KLKB1: variants seen among roughly 807,000 people sequenced by gnomAD.
KLKB1 encodes the protein plasma kallikrein.
Under a neutral mutation model 73.6 loss-of-function variants are expected in KLKB1, and 58 were observed. That is an observed-to-expected ratio of 0.79 (90% CI 0.64 to 0.98). The LOEUF is 0.98. Among genes scored for constraint, KLKB1 ranks in the 50% least tolerant of loss-of-function variants. KLKB1 has a pLI of 0.00. For missense variants in KLKB1, 737 were observed against 763.8 expected (o/e 0.96, Z 0.41); for synonymous variants, 280 against 258.1 (o/e 1.08, Z -0.81).
chr4:186,212,683 G>T (rs772840667), intron 2 of KLKB1: 2 of 152,220 alleles, frequency 1.3e-5, no homozygotes, highest in Non-Finnish European at 2.9e-5. Flanking sequence ...ATAGCCAATA[G>T]CAGATAGAAG....
chr4:186,240,959 CA>C (rs1262185549), intron 6 of KLKB1, among the ~76,000 whole-genome samples: 1 of 152,182 alleles, frequency 6.6e-6, no homozygotes, highest in Non-Finnish European at 1.5e-5. Context: ...CTGCTGTCCA[CA>C]CCTGGGAGAG....
intron 6 of KLKB1, among the ~76,000 whole-genome samples, chr4:186,246,752 G>A (rs1738378080): frequency 6.6e-6 from 1 of 152,132 alleles, no homozygotes; most frequent in South Asian, 2.1e-4. Flanking sequence ...CCCCAGGAAA[G>A]TGGTTCTTGC....
rs897746435 is a variant in KLKB1 at position 186,257,964 on chromosome 4, T to G, written c.1726-57T>G. 4.2e-5 allele frequency: 62 copies of G among 1,493,634 alleles called. No individual in the cohort carries two copies. In the Admixed American group the frequency reaches 5.9e-4, roughly 14 times the overall value. 92.5% of individuals were successfully genotyped at this position (1,493,634 alleles called of 1,614,324 possible). ...ACTACAGAACTTTAGAGGCAGTCAC[T>G]TATTTGAATCCCATTGTCGTAACTT... On this transcript the variant is annotated intron_variant, in intron 14 of 14. Coordinates refer to ENST00000264690, the MANE Select transcript of KLKB1 (RefSeq NM_000892.5).
intron 7 of KLKB1, 102 bp from the exon 8 acceptor site, chr4:186,251,117 A>AT (rs2126669011): frequency 1.4e-6 from 1 of 732,904 alleles, no homozygotes; most frequent in Admixed American, 2.3e-5. Flanking sequence ...GAAGAATAAA[A>AT]TTTGCTGCGT....
chr4:186,238,221 C>A, intron 5 of KLKB1, 35 bp from the exon 6 acceptor site: 3 of 1,413,208 alleles, frequency 2.1e-6, no homozygotes, highest in Non-Finnish European at 3.0e-6. Context: ...CCTCAAAGTG[C>A]AGAAAGCAAA....
intron 2 of KLKB1, among the ~76,000 whole-genome samples, chr4:186,220,834 G>A (rs148412682): frequency 1.5e-5 from 2 of 136,072 alleles, no homozygotes; most frequent in East Asian, 4.5e-4. Context: ...CATTAAATGA[G>A]ATTGGAAGTG....
intron 2 of KLKB1, among the ~76,000 whole-genome samples, chr4:186,220,046 CTTG>C (rs1736999018): frequency 6.6e-6 from 1 of 152,084 alleles, no homozygotes; most frequent in East Asian, 1.9e-4. Flanking sequence ...TAATGGAATC[CTTG>C]TTGTGTCTTC....
chr4:186,251,781 G>T lies in KLKB1; in HGVS notation c.1064G>T (p.Gly355Val). Residue 355 changes from glycine (G) to valine (V), a missense_variant, in exon 10 of 15, where the codon GGT becomes GTT. By Grantham distance (109) the Gly-to-Val change is moderately radical. Coordinates refer to ENST00000264690, the MANE Select transcript of KLKB1 (RefSeq NM_000892.5). ...CKCFLRLSMD[G>V]SPTRIAYGTQ... ...TGTTTCTTAAGATTATCTATGGATGGTTCTCCAACTAGGATTGCGTATGGG... is the reference window on the plus strand; with the variant it reads ...TGTTTCTTAAGATTATCTATGGATGTTTCTCCAACTAGGATTGCGTATGGG... 1 of 1,613,938 alleles carries T rather than the reference G, an allele frequency of 6.2e-7. No individual in the cohort carries two copies. The highest frequency in any genetic ancestry group is 1.1e-5 in the South Asian group (1 of 91,082).
upstream of KLKB1, among the ~76,000 whole-genome samples, chr4:186,223,955 C>G (rs1737087518): frequency 6.6e-6 from 1 of 152,232 alleles, no homozygotes; most frequent in Admixed American, 6.5e-5. Flanking sequence ...GGCCCTGCTG[C>G]TCTGTGCAGC....
At chr4:186,239,219 A>G (rs1325690534) in intron 6 of KLKB1, among the ~76,000 whole-genome samples, 2 of 133,686 alleles carry the variant, frequency 1.5e-5, no homozygotes. Flanking sequence ...TAGTACAGTG[A>G]TACTGTTAGA....
rs1737496783 is a variant in KLKB1, at chr4:186,233,390, GA to G, written c.222-561del. On this transcript the variant is annotated intron_variant, in intron 3 of 14. Transcript: ENST00000264690. ...ATGTGAGTTTACCAACTAGAAATTG[GA>G]TAGTCATTCTCTGATCCCACATGTT... Among the ~76,000 whole-genome samples the G allele has an allele frequency of 2.0e-5, 3 of 152,126 alleles. No homozygotes were observed. The South Asian group carries it at 6.2e-4, about 31-fold the overall frequency.
intron 6 of KLKB1, among the ~76,000 whole-genome samples, chr4:186,244,215 CT>C (rs1254769601): frequency 2.0e-5 from 3 of 151,990 alleles, no homozygotes; most frequent in Non-Finnish European, 4.4e-5. Flanking sequence ...GATTTAGGAT[CT>C]TTGGGGTCAG....
intron 11 of KLKB1, 120 bp downstream of exon 11, chr4:186,252,305 G>T (rs1040299810): frequency 1.0e-5 from 11 of 1,098,528 alleles, no homozygotes; most frequent in Non-Finnish European, 1.5e-5. Context: ...AGCGGGGATG[G>T]TATTCACAAC....
upstream of KLKB1, among the ~76,000 whole-genome samples, chr4:186,226,662 G>A (rs957280405): frequency 1.3e-5 from 2 of 152,234 alleles, 1 homozygote; most frequent in South Asian, 4.1e-4. Context: ...AGTTCATGGG[G>A]ATAGGCCTGT....
chr4:186,233,913 T>G (rs1294395204), intron 3 of KLKB1, 39 bp from the exon 4 acceptor site: 4 of 1,392,882 alleles, frequency 2.9e-6, no homozygotes, highest in Non-Finnish European at 3.1e-6. Flanking sequence ...AATGTATGTT[T>G]ATTATTCTAC....
At chr4:186,234,779 C>T (rs1487013151) in intron 4 of KLKB1, among the ~76,000 whole-genome samples, 1 of 152,100 alleles carries the variant, frequency 6.6e-6, no homozygotes, top group Non-Finnish European at 1.5e-5. Flanking sequence ...AAACAGTTTC[C>T]AATGCTATCC....
intron 5 of KLKB1, among the ~76,000 whole-genome samples, chr4:186,237,191 C>T (rs1017833153): frequency 7.9e-5 from 12 of 152,052 alleles, no homozygotes; most frequent in Admixed American, 3.9e-4. Flanking sequence ...CTCCGCTTCC[C>T]GGGTTCAAGC....
At chr4:186,212,514 A>T (rs1032178162) in intron 2 of KLKB1, 1 of 152,200 alleles carries the variant, frequency 6.6e-6, no homozygotes, top group Non-Finnish European at 1.5e-5. Context: ...TTTTGTTTTC[A>T]ATTTTTATTC....
At chr4:186,235,782 C>G (rs1317747987) in intron 4 of KLKB1, among the ~76,000 whole-genome samples, 1 of 151,990 alleles carries the variant, frequency 6.6e-6, no homozygotes, top group Non-Finnish European at 1.5e-5. Context: ...GGTTACATTA[C>G]TTCCTTAACC....
Sources: gnomAD v4.1 joint callset for allele counts (sites outside exome capture counted in the v4.1 genomes callset) on GRCh38, gnomAD v4.1.1 for gene constraint, MANE v1.5 for transcripts, NCBI Gene and HGNC (gene_info 2026-07-23, HGNC 2026-07-21) for gene names.